The following KAZN variants were observed in gnomAD, a reference collection of about 807,000 sequenced individuals.
KAZN encodes the protein kazrin.
In KAZN, 40 loss-of-function variants were observed where a neutral mutation model predicts 87.4. The ratio of observed to expected loss-of-function variants is 0.46; its 90% CI spans 0.36 to 0.60. KAZN has a LOEUF of 0.60. Ranked by LOEUF, KAZN falls within the 20% of genes least tolerant of loss-of-function variation. The probability of loss-of-function intolerance (pLI) is 0.00; values close to 1 mark genes in which losing one functional copy is unlikely to be tolerated. For synonymous variants in KAZN, 466 were observed against 458.3 expected, an observed-to-expected ratio of 1.02 and a Z score of -0.22; for missense variants, 898 against 1,073.9, an observed-to-expected ratio of 0.84 and a Z score of 2.29.
intron 1 of KAZN, among the ~76,000 whole-genome samples, chr1:14,950,534 C>T (rs919838443): frequency 6.6e-6 from 1 of 152,138 alleles, no homozygotes; most frequent in African/African-American, 2.4e-5. Flanking sequence ...TTGAGGCTGG[C>T]ATTTTCCAGC....
chr1:14,025,284 A>T (rs1010666004), intron 1 of KAZN, among the ~76,000 whole-genome samples: 2 of 152,220 alleles, frequency 1.3e-5, no homozygotes. Flanking sequence ...GATGAGCTAC[A>T]ATCTATGAGG....
At chr1:14,031,506 G>C (rs1641326474) in intron 1 of KAZN, among the ~76,000 whole-genome samples, 1 of 152,128 alleles carries the variant, frequency 6.6e-6, no homozygotes, top group Non-Finnish European at 1.5e-5. Context: ...TTGTTGCTTT[G>C]GCCTTGTTGA....
chr1:14,010,043 T>C (rs1052050124), intron 1 of KAZN, among the ~76,000 whole-genome samples: 1 of 152,188 alleles, frequency 6.6e-6, no homozygotes, highest in African/African-American at 2.4e-5. Context: ...AATTAACACA[T>C]CAACAATTTT....
intron 2 of KAZN, among the ~76,000 whole-genome samples, chr1:14,467,382 T>C (rs761698370): frequency 4.3e-4 from 64 of 150,528 alleles, no homozygotes; most frequent in Non-Finnish European, 1.2e-4. Context: ...AATATCTATT[T>C]AACACAAAAG....
At chr1:14,396,880 C>G (rs1221235511) in intron 2 of KAZN, among the ~76,000 whole-genome samples, 1 of 146,506 alleles carries the variant, frequency 6.8e-6, no homozygotes, top group Non-Finnish European at 1.5e-5. Context: ...AAGACAGATT[C>G]CATTTTCTCT....
intron 6 of KAZN, 69 bp from the exon 7 acceptor site, chr1:15,063,503 C>T (rs138293108): frequency 0.011 from 14,655 of 1,377,536 alleles, 165 homozygotes; most frequent in East Asian, 0.037. Flanking sequence ...CCACACCGCA[C>T]GGGCCGCCTC....
chr1:14,337,347 T>C (rs112207761), intron 2 of KAZN, among the ~76,000 whole-genome samples: 2 of 152,216 alleles, frequency 1.3e-5, no homozygotes, highest in Non-Finnish European at 2.9e-5. Flanking sequence ...TGGAAAAGGA[T>C]GTGAATGGTT....
intron 1 of KAZN, among the ~76,000 whole-genome samples, chr1:14,096,320 C>T (rs567468240): frequency 2.0e-4 from 31 of 152,266 alleles, no homozygotes; most frequent in African/African-American, 5.8e-4. Flanking sequence ...GGATTCACAA[C>T]GAATGTGTCA....
chr1:14,683,475 C>A (rs1640788702), intron 1 of KAZN, among the ~76,000 whole-genome samples: 1 of 152,184 alleles, frequency 6.6e-6, no homozygotes, highest in Non-Finnish European at 1.5e-5. Flanking sequence ...CTCCAATGAC[C>A]ACTCTCTCCT....
chr1:14,650,431 T>C (rs1266158065), intron 1 of KAZN, among the ~76,000 whole-genome samples: 2 of 152,144 alleles, frequency 1.3e-5, no homozygotes, highest in African/African-American at 2.4e-5. Context: ...TCCCAGCTAC[T>C]CAGGAGACTG....
In KAZN at chr1:14,087,761, T is replaced by G. The variant is rs368756728; in HGVS notation, c.92-92674T>G. On this transcript the variant is annotated intron_variant, in intron 1 of 16. Coordinates refer to the KAZN transcript ENST00000636203. ...TAATGTGGTGAATTACATGGATTAA[T>G]TTTCAAACATTAAGCCAGTATTACA... is the stretch of plus-strand genomic sequence containing the variant. Among the ~76,000 whole-genome samples the G allele has an allele frequency of 1.1e-4, 17 of 152,172 alleles. 1 individual carries two copies. The highest frequency in any genetic ancestry group is 4.1e-4 in the African/African-American group (17 of 41,570).
intron 1 of KAZN, among the ~76,000 whole-genome samples, chr1:14,939,250 G>T (rs532994173): frequency 6.6e-6 from 1 of 152,148 alleles, no homozygotes; most frequent in South Asian, 2.1e-4. Flanking sequence ...GGGATTACAG[G>T]TGTGAGCCAC....
At chr1:14,658,575 A>G (rs1490963501) in intron 1 of KAZN, among the ~76,000 whole-genome samples, 1 of 152,172 alleles carries the variant, frequency 6.6e-6, no homozygotes, top group Non-Finnish European at 1.5e-5. Flanking sequence ...TCTTTTGAGA[A>G]TCTGATAAAA....
At chr1:15,098,193 C>T (rs977122008) in intron 10 of KAZN, among the ~76,000 whole-genome samples, 4 of 152,200 alleles carry the variant, frequency 2.6e-5, no homozygotes, top group Non-Finnish European at 2.9e-5. Flanking sequence ...AATTTTGTGC[C>T]GTCCTCAGAT....
At chr1:14,403,086 A>G (rs180914896) in intron 2 of KAZN, among the ~76,000 whole-genome samples, 1 of 152,300 alleles carries the variant, frequency 6.6e-6, no homozygotes, top group African/African-American at 2.4e-5. Context: ...TTGGCCTCCC[A>G]AAGTGCTCGG....
chr1:14,961,542 GTC>G (rs995896564), intron 2 of KAZN, among the ~76,000 whole-genome samples: 1 of 152,168 alleles, frequency 6.6e-6, no homozygotes, highest in African/African-American at 2.4e-5. Context: ...TGGAAGAAGG[GTC>G]TCAGCGGGTT....
intron 1 of KAZN, among the ~76,000 whole-genome samples, chr1:14,143,993 T>C (rs562903418): frequency 6.6e-6 from 1 of 151,984 alleles, no homozygotes; most frequent in East Asian, 1.9e-4. Flanking sequence ...GCTGGGATTA[T>C]GGGCATGAGT....
intron 1 of KAZN, among the ~76,000 whole-genome samples, chr1:14,742,603 T>G: frequency 6.6e-6 from 1 of 152,334 alleles, no homozygotes; most frequent in East Asian, 1.9e-4. Context: ...TTTCTCTCCC[T>G]GTGCTTTTTC....
chr1:14,017,208 T>C (rs1316221583), intron 1 of KAZN, among the ~76,000 whole-genome samples: 1 of 152,314 alleles, frequency 6.6e-6, no homozygotes, highest in South Asian at 2.1e-4. Context: ...GGGGTCCTTT[T>C]CAACCTGTCT....
Sources: gnomAD v4.1 joint callset for allele counts (sites outside exome capture counted in the v4.1 genomes callset) on GRCh38, gnomAD v4.1.1 for gene constraint, MANE v1.5 for transcripts, NCBI Gene and HGNC (gene_info 2026-07-23, HGNC 2026-07-21) for gene names.